The following TMEM74 variants were observed in gnomAD, a reference collection of about 807,000 sequenced individuals.
TMEM74 encodes the protein transmembrane protein 74.
TMEM74 carries 13 observed loss-of-function variants against 18.1 expected under a neutral mutation model. That is an observed-to-expected ratio of 0.72 (90% CI 0.47 to 1.14). TMEM74 has a LOEUF of 1.14. TMEM74 is among the 50% of genes most tolerant of loss of function. The pLI, the probability that TMEM74 is intolerant of heterozygous loss-of-function variation, is 0.00. For synonymous variants in TMEM74, 159 were observed against 146.6 expected (o/e 1.08, Z -0.61); for missense variants, 372 against 375.9 (o/e 0.99, Z 0.09).
At chr8:108,693,750 C>T (rs931756123) in intron 1 of TMEM74, among the ~76,000 whole-genome samples, 1 of 152,184 alleles carries the variant, frequency 6.6e-6, no homozygotes, top group Admixed American at 6.5e-5. Context: ...ATTTTATGTG[C>T]ATGTCAAGAA....
chr8:108,739,795 G>A (rs1334291549), intron 1 of TMEM74, among the ~76,000 whole-genome samples: 2 of 151,994 alleles, frequency 1.3e-5, no homozygotes, highest in African/African-American at 2.4e-5. Context: ...CTCTCTTCAG[G>A]TAGCTTCTCC....
chr8:108,663,169 G>A (rs902523049), intron 1 of TMEM74, among the ~76,000 whole-genome samples: 1 of 152,114 alleles, frequency 6.6e-6, no homozygotes, highest in African/African-American at 2.4e-5. Flanking sequence ...TGCAGAGGAA[G>A]AGAAATTTTT....
intron 2 of TMEM74, among the ~76,000 whole-genome samples, chr8:108,648,221 T>C (rs1211575269): frequency 1.3e-5 from 2 of 152,086 alleles, no homozygotes; most frequent in African/African-American, 4.8e-5. Flanking sequence ...CTTGTTTTGG[T>C]CAAAAGGACA....
chr8:108,774,309 A>C (rs1056191001), downstream of TMEM74, among the ~76,000 whole-genome samples: 1 of 152,134 alleles, frequency 6.6e-6, no homozygotes, highest in African/African-American at 2.4e-5. Flanking sequence ...CTGGACTGAA[A>C]ACCTTCCACA....
At chr8:108,758,166 C>T (rs944498405) in intron 1 of TMEM74, among the ~76,000 whole-genome samples, 3 of 151,688 alleles carry the variant, frequency 2.0e-5, no homozygotes, top group African/African-American at 7.3e-5. Flanking sequence ...CCTAAAAATC[C>T]CTTTACAAAA....
intron 1 of TMEM74, among the ~76,000 whole-genome samples, chr8:108,712,509 T>G (rs1190452438): frequency 1.3e-5 from 2 of 152,180 alleles, no homozygotes; most frequent in Non-Finnish European, 2.9e-5. Flanking sequence ...CCATGGCAGA[T>G]GGGCCTCCTT....
At chr8:108,617,682 G>T (rs1812398781) in intron 2 of TMEM74, among the ~76,000 whole-genome samples, 1 of 152,034 alleles carries the variant, frequency 6.6e-6, no homozygotes, top group Admixed American at 6.6e-5. Context: ...CCATAAAAAT[G>T]GAATGAATGG....
intron 2 of TMEM74, among the ~76,000 whole-genome samples, chr8:108,629,160 ACACAG>A: frequency 6.6e-6 from 1 of 152,164 alleles, no homozygotes; most frequent in South Asian, 2.1e-4. Context: ...GAGCTGAAAA[ACACAG>A]CACGAGAACT....
chr8:108,672,116 C>T (rs764805431), intron 1 of TMEM74, among the ~76,000 whole-genome samples: 50 of 152,174 alleles, frequency 3.3e-4, no homozygotes, highest in Non-Finnish European at 6.0e-4. Context: ...GGCAGGCACA[C>T]GGCTACGGCA....
At chr8:108,631,931 T>C (rs749221898) in intron 2 of TMEM74, among the ~76,000 whole-genome samples, 1 of 151,970 alleles carries the variant, frequency 6.6e-6, no homozygotes, top group Non-Finnish European at 1.5e-5. Context: ...TTATCAGAAA[T>C]TTATTGAGCT....
At chr8:108,683,356 T>C (rs949015337) in intron 1 of TMEM74, among the ~76,000 whole-genome samples, 2 of 151,890 alleles carry the variant, frequency 1.3e-5, no homozygotes, top group Admixed American at 1.3e-4. Flanking sequence ...TCAGTATCAT[T>C]TATAAACATA....
intron 1 of TMEM74, among the ~76,000 whole-genome samples, chr8:108,712,829 A>G (rs905584999): frequency 6.6e-6 from 1 of 152,182 alleles, no homozygotes; most frequent in African/African-American, 2.4e-5. Flanking sequence ...TGTAGCCCTT[A>G]GAATGTAACA....
At chr8:108,704,821 A>T (rs2130618280) in intron 1 of TMEM74, among the ~76,000 whole-genome samples, 1 of 152,324 alleles carries the variant, frequency 6.6e-6, no homozygotes, top group East Asian at 1.9e-4. Context: ...CTTACCTTCC[A>T]GGTGTCTGAG....
chr8:108,670,607 T>A (rs939581589), intron 1 of TMEM74, among the ~76,000 whole-genome samples: 1 of 152,172 alleles, frequency 6.6e-6, no homozygotes, highest in Non-Finnish European at 1.5e-5. Flanking sequence ...CACAAGATCT[T>A]TAATAAAACT....
intron 1 of TMEM74, among the ~76,000 whole-genome samples, chr8:108,731,348 A>G (rs75822563): frequency 0.011 from 1,671 of 152,192 alleles, 38 homozygotes; most frequent in African/African-American, 0.038. Flanking sequence ...AATAGAATAC[A>G]TGTTCTCAAT....
chr8:108,760,819 T>A (rs572590299), intron 1 of TMEM74, among the ~76,000 whole-genome samples: 54 of 152,032 alleles, frequency 3.6e-4, no homozygotes, highest in African/African-American at 1.2e-3. Flanking sequence ...CTTTTACTGG[T>A]TCAACACTGA....
chr8:108,705,251 G>A (rs2935796), intron 1 of TMEM74, among the ~76,000 whole-genome samples: 34,980 of 152,186 alleles, frequency 0.23, 4,075 homozygotes, highest in East Asian at 0.29. Context: ...ACCTAAAAGT[G>A]TGATGGAAGT....
At chr8:108,763,905 A>G (rs1814072634) in intron 1 of TMEM74, among the ~76,000 whole-genome samples, 1 of 152,220 alleles carries the variant, frequency 6.6e-6, no homozygotes, top group Non-Finnish European at 1.5e-5. Context: ...TCTTTCATGC[A>G]CACAGCTTGA....
intron 1 of TMEM74, among the ~76,000 whole-genome samples, chr8:108,714,772 A>T (rs1406730443): frequency 1.3e-5 from 2 of 152,182 alleles, no homozygotes; most frequent in Admixed American, 6.5e-5. Flanking sequence ...CATGGACTCA[A>T]CCCAGGTGCC....
Sources: gnomAD v4.1 joint callset for allele counts (sites outside exome capture counted in the v4.1 genomes callset) on GRCh38, gnomAD v4.1.1 for gene constraint, MANE v1.5 for transcripts, NCBI Gene and HGNC (gene_info 2026-07-23, HGNC 2026-07-21) for gene names.